Variants in MEGF11 observed in about 807,000 individuals in gnomAD.
MEGF11 encodes the protein multiple EGF like domains 11, also known as multiple epidermal growth factor-like domains protein 11.
A neutral mutation model predicts 146.6 loss-of-function variants in MEGF11; 126 were observed. The ratio of observed to expected loss-of-function variants is 0.86; its 90% confidence interval spans 0.74 to 1.00. The LOEUF is 1.00. Among genes scored for constraint, MEGF11 ranks in the 50% least tolerant of loss-of-function variants. The pLI is 0.00. For missense variants in MEGF11, 1,509 were observed against 1,521.2 expected (o/e 0.99, Z 0.13); for synonymous variants, 532 against 583.4 (o/e 0.91, Z 1.27).
At chr15:66,013,018 T>G (rs576340661) in intron 5 of MEGF11, among the ~76,000 whole-genome samples, 1 of 152,368 alleles carries the variant, frequency 6.6e-6, no homozygotes, top group East Asian at 1.9e-4. Context: ...ACCTTGGAGA[T>G]TCTCCTCTTT....
intron 10 of MEGF11, among the ~76,000 whole-genome samples, chr15:65,943,004 T>TTTTTTA (rs2080060480): frequency 2.4e-5 from 2 of 81,932 alleles, no homozygotes; most frequent in African/African-American, 5.1e-5. Flanking sequence ...TTTTTTTTTT[T>TTTTTTA]AACACGGAGT....
chr15:66,251,378 C>T (rs1019422743), intron 1 of MEGF11, among the ~76,000 whole-genome samples: 12 of 152,308 alleles, frequency 7.9e-5, no homozygotes, highest in African/African-American at 2.6e-4. Flanking sequence ...TGCCTACATG[C>T]ACTCACTTCC....
chr15:65,910,877 C>G (rs899320179), intron 21 of MEGF11, among the ~76,000 whole-genome samples: 1 of 152,182 alleles, frequency 6.6e-6, no homozygotes, highest in East Asian at 1.9e-4. Flanking sequence ...CCCACCATGG[C>G]CCTGCTCCCC....
At chr15:66,236,872 C>T (rs555365407) in intron 1 of MEGF11, among the ~76,000 whole-genome samples, 6 of 152,276 alleles carry the variant, frequency 3.9e-5, no homozygotes, top group Non-Finnish European at 4.4e-5. Context: ...ATGGGCGGCC[C>T]GCTGTAACAC....
At chr15:66,213,886 A>T (rs543482303) in intron 1 of MEGF11, among the ~76,000 whole-genome samples, 1 of 152,134 alleles carries the variant, frequency 6.6e-6, no homozygotes, top group East Asian at 1.9e-4. Flanking sequence ...AACACTGCCA[A>T]TGACTATCCC....
At chr15:66,116,956 C>T (rs976539537) in intron 4 of MEGF11, among the ~76,000 whole-genome samples, 2 of 152,236 alleles carry the variant, frequency 1.3e-5, no homozygotes, top group Admixed American at 6.5e-5. Flanking sequence ...GCCAGACAGC[C>T]TGGATTCAAA....
chr15:66,224,913 C>T (rs1388895215), intron 1 of MEGF11, among the ~76,000 whole-genome samples: 2 of 152,048 alleles, frequency 1.3e-5, no homozygotes, highest in African/African-American at 4.8e-5. Flanking sequence ...GCACTCATTT[C>T]TCCTTGAGCT....
At chr15:66,082,782 A>C (rs2085947351) in intron 5 of MEGF11, among the ~76,000 whole-genome samples, 1 of 151,124 alleles carries the variant, frequency 6.6e-6, no homozygotes, top group East Asian at 1.9e-4. Context: ...GTGGCCCCTC[A>C]TCATGCTTCT....
chr15:65,911,557 G>A (rs558937256), intron 21 of MEGF11, among the ~76,000 whole-genome samples: 51 of 152,230 alleles, frequency 3.4e-4, no homozygotes, highest in African/African-American at 1.0e-3. Context: ...GACTACAGGC[G>A]TATGCCACCA....
intron 8 of MEGF11, among the ~76,000 whole-genome samples, chr15:65,970,247 A>G (rs1431583450): frequency 6.6e-6 from 1 of 152,212 alleles, no homozygotes; most frequent in Non-Finnish European, 1.5e-5. Context: ...TCCTTGGATT[A>G]TCTGTGCCAT....
chr15:66,007,754 G>C, intron 5 of MEGF11, among the ~76,000 whole-genome samples: 1 of 142,284 alleles, frequency 7.0e-6, no homozygotes, highest in South Asian at 2.1e-4. Flanking sequence ...CCTGTCTCAA[G>C]AAAAGAAAAG....
chr15:66,183,210 C>T (rs72744478), intron 1 of MEGF11, among the ~76,000 whole-genome samples: 1 of 152,084 alleles, frequency 6.6e-6, no homozygotes, highest in Admixed American at 6.6e-5. Flanking sequence ...GGAGAAGATA[C>T]ACACGGTGGC....
chr15:65,927,294 C>T (rs1207977079), intron 13 of MEGF11, among the ~76,000 whole-genome samples: 1 of 152,154 alleles, frequency 6.6e-6, no homozygotes, highest in African/African-American at 2.4e-5. Context: ...AGTTCAGGCC[C>T]TGAGAGGTTA....
At chr15:66,209,516 C>T (rs918403173) in intron 1 of MEGF11, among the ~76,000 whole-genome samples, 3 of 152,120 alleles carry the variant, frequency 2.0e-5, no homozygotes, top group African/African-American at 7.2e-5. Flanking sequence ...AACCTGGATG[C>T]CCTTCAAAGA....
At chr15:66,016,740 C>T (rs2082900403) in intron 5 of MEGF11, among the ~76,000 whole-genome samples, 1 of 152,172 alleles carries the variant, frequency 6.6e-6, no homozygotes, top group Non-Finnish European at 1.5e-5. Context: ...TTGAGGTTTA[C>T]TTTTATTCAC....
intron 1 of MEGF11, among the ~76,000 whole-genome samples, chr15:66,184,104 A>T (rs1310559450): frequency 6.6e-6 from 1 of 152,170 alleles, no homozygotes; most frequent in Non-Finnish European, 1.5e-5. Context: ...TTAACAAAGA[A>T]AACTCTTGGG....
In MEGF11 at chr15:65,929,952, C is replaced by A. The variant is rs2079515433; in HGVS notation, c.1409-69G>T. The A allele has an allele frequency of 3.5e-6, 5 of 1,434,416 alleles. No homozygotes were observed. The African/African-American group carries it at 5.6e-5, about 16-fold the overall frequency. 88.9% of individuals were successfully genotyped at this position (1,434,416 alleles called of 1,614,324 possible). On this transcript the variant is annotated intron_variant, in intron 11 of 25. Coordinates refer to ENST00000395614, the MANE Select transcript of MEGF11 (RefSeq NM_001385028.1). ...GTGTGTCTTTTTTGCCCACTCCCCC[C>A]AGCTCTGCACACAGCATTCCACCCA...
chr15:66,015,687 C>T (rs935193963), intron 5 of MEGF11, among the ~76,000 whole-genome samples: 5 of 152,132 alleles, frequency 3.3e-5, no homozygotes, highest in African/African-American at 1.2e-4. Flanking sequence ...AGCAAATGTT[C>T]CTGGGAATCT....
At chr15:65,979,306 G>A (rs2081554190) in intron 7 of MEGF11, among the ~76,000 whole-genome samples, 1 of 152,162 alleles carries the variant, frequency 6.6e-6, no homozygotes, top group African/African-American at 2.4e-5. Flanking sequence ...CTGGGGTGCA[G>A]TCAGGTTTGG....
Sources: gnomAD v4.1 joint callset for allele counts (sites outside exome capture counted in the v4.1 genomes callset) on GRCh38, gnomAD v4.1.1 for gene constraint, MANE v1.5 for transcripts, NCBI Gene and HGNC (gene_info 2026-07-23, HGNC 2026-07-21) for gene names.